Variants in MAPRE1 observed in about 807,000 individuals in gnomAD.
The protein encoded by MAPRE1 is microtubule-associated protein RP/EB family member 1.
A neutral mutation model predicts 32.1 loss-of-function variants in MAPRE1; 5 were observed. The observed-to-expected ratio is 0.16, with a 90% CI of 0.08 to 0.33. The LOEUF (loss-of-function observed/expected upper bound fraction) is 0.33. Ranked by LOEUF, MAPRE1 falls within the 10% of genes least tolerant of loss-of-function variation. The probability of loss-of-function intolerance (pLI) is 1.00; values close to 1 mark genes in which losing one functional copy is unlikely to be tolerated. For missense variants in MAPRE1, 209 were observed against 327.2 expected (o/e 0.64, Z 2.79); for synonymous variants, 122 against 118.9 (o/e 1.03, Z -0.17).
chr20:32,829,163 C>T (rs550665319), intron 2 of MAPRE1, among the ~76,000 whole-genome samples: 1 of 152,214 alleles, frequency 6.6e-6, no homozygotes, highest in South Asian at 2.1e-4. Context: ...CCGCCCACCT[C>T]GGCCTCCCAA....
intron 6 of MAPRE1, 139 bp downstream of exon 6, chr20:32,846,909 A>T: frequency 1.2e-6 from 1 of 853,304 alleles, no homozygotes; most frequent in Non-Finnish European, 1.8e-6. Flanking sequence ...GCCAGAGGGC[A>T]TCTCTGCCCA....
chr20:32,832,339 G>A (rs541347615), intron 2 of MAPRE1, among the ~76,000 whole-genome samples: 23 of 152,116 alleles, frequency 1.5e-4, no homozygotes, highest in African/African-American at 4.8e-4. Context: ...CAGTTTGTCG[G>A]CATTAGAGAA....
At chr20:32,834,931 G>A (rs1983145313) in intron 3 of MAPRE1, among the ~76,000 whole-genome samples, 1 of 152,164 alleles carries the variant, frequency 6.6e-6, no homozygotes, top group Admixed American at 6.5e-5. Flanking sequence ...ATTGAAGTGA[G>A]TACAGAGGTA....
intron 1 of MAPRE1, among the ~76,000 whole-genome samples, chr20:32,824,584 A>G (rs1464029305): frequency 6.6e-6 from 1 of 152,200 alleles, no homozygotes; most frequent in East Asian, 1.9e-4. Flanking sequence ...AGAATTAACT[A>G]CAAGGATTCT....
chr20:32,841,592 A>AT (rs1276258439), intron 5 of MAPRE1, among the ~76,000 whole-genome samples: 2 of 149,848 alleles, frequency 1.3e-5, no homozygotes, highest in Non-Finnish European at 3.0e-5. Context: ...CATTAGGTAT[A>AT]TCTCCCAATG....
At chr20:32,826,858 C>A (rs943058572) in intron 2 of MAPRE1, among the ~76,000 whole-genome samples, 2 of 151,996 alleles carry the variant, frequency 1.3e-5, no homozygotes, top group African/African-American at 4.8e-5. Flanking sequence ...GCCTGCAGGT[C>A]CACCATCTTC....
intron 1 of MAPRE1, among the ~76,000 whole-genome samples, chr20:32,823,699 G>C (rs1212451028): frequency 1.3e-5 from 2 of 152,150 alleles, no homozygotes. Flanking sequence ...TTTGAGGCTG[G>C]GCCGCAAAAT....
chr20:32,829,799 G>A (rs2066798130), intron 2 of MAPRE1, among the ~76,000 whole-genome samples: 2 of 152,194 alleles, frequency 1.3e-5, no homozygotes, highest in Admixed American at 1.3e-4. Context: ...TCTGGTAGAG[G>A]GAGATTAGGC....
intron 4 of MAPRE1, 78 bp from the exon 5 acceptor site, chr20:32,839,657 C>G: frequency 6.3e-7 from 1 of 1,581,048 alleles, no homozygotes; most frequent in South Asian, 1.2e-5. Flanking sequence ...GTCACAGCTT[C>G]TCCATGTTGT....
At chr20:32,844,597 A>G (rs866613056) in intron 5 of MAPRE1, among the ~76,000 whole-genome samples, 1 of 151,836 alleles carries the variant, frequency 6.6e-6, no homozygotes, top group South Asian at 2.1e-4. Context: ...ATATTTTTAT[A>G]GAGACGGGGA....
intron 2 of MAPRE1, among the ~76,000 whole-genome samples, chr20:32,828,738 G>A (rs1050744348): frequency 1.4e-4 from 22 of 152,138 alleles, no homozygotes; most frequent in African/African-American, 5.3e-4. Context: ...TAACCCTGGG[G>A]CACAGCTTAT....
At chr20:32,832,951 T>A (rs853854) in intron 2 of MAPRE1, among the ~76,000 whole-genome samples, 93,493 of 149,456 alleles carry the variant, frequency 0.63, 31,083 homozygotes, top group East Asian at 0.91. Context: ...TCAAAAAAAA[T>A]AAATAAATAA....
upstream of MAPRE1, chr20:32,819,833 C>A (rs1322063654): frequency 6.6e-6 from 1 of 152,090 alleles, no homozygotes; most frequent in African/African-American, 2.4e-5. Context: ...GGGCCGAGCT[C>A]CGCCCCCGGC....
chr20:32,848,186 A>G (rs1176540538), intron 6 of MAPRE1, among the ~76,000 whole-genome samples: 1 of 151,712 alleles, frequency 6.6e-6, no homozygotes, highest in Non-Finnish European at 1.5e-5. Context: ...AGCTGGGACT[A>G]CAGGCATGTC....
intron 6 of MAPRE1, 22 bp downstream of exon 6, chr20:32,846,792 A>G: frequency 1.9e-6 from 3 of 1,612,278 alleles, no homozygotes; most frequent in Non-Finnish European, 2.5e-6. Flanking sequence ...ACATGAGGAT[A>G]TTTTCTTTCC....
intron 2 of MAPRE1, among the ~76,000 whole-genome samples, chr20:32,826,597 G>A (rs1982859836): frequency 7.3e-6 from 1 of 136,060 alleles, no homozygotes; most frequent in Non-Finnish European, 1.5e-5. Flanking sequence ...TGCAGTCTTG[G>A]CTCACTGCAA....
At chr20:32,845,726 T>C (rs1568883889) in intron 5 of MAPRE1, among the ~76,000 whole-genome samples, 1 of 152,184 alleles carries the variant, frequency 6.6e-6, no homozygotes, top group Admixed American at 6.5e-5. Flanking sequence ...CAAGCAATTC[T>C]CCCGACTCAG....
chr20:32,838,930 T>A (rs558870522), intron 4 of MAPRE1, among the ~76,000 whole-genome samples: 1 of 152,316 alleles, frequency 6.6e-6, no homozygotes, highest in Non-Finnish European at 1.5e-5. Flanking sequence ...TCATCAGTGA[T>A]ATATATACCT....
chr20:32,826,162 G>A (rs1982839761), intron 2 of MAPRE1, 114 bp downstream of exon 2: 2 of 924,558 alleles, frequency 2.2e-6, no homozygotes, highest in Non-Finnish European at 3.1e-6. Context: ...CTTTGTTAGG[G>A]CCACCCTGTT....
Sources: allele counts gnomAD v4.1 joint callset (sites outside exome capture counted in the v4.1 genomes callset), GRCh38; gene constraint gnomAD v4.1.1; transcripts MANE v1.5; gene names NCBI Gene and HGNC (gene_info 2026-07-23, HGNC 2026-07-21).